The following GRM1 variants were observed in gnomAD, a reference collection of about 807,000 sequenced individuals.
GRM1 encodes the protein glutamate metabotropic receptor 1, also known as metabotropic glutamate receptor 1.
GRM1 carries 33 observed loss-of-function variants against 90.9 expected under a neutral mutation model. That is an observed-to-expected ratio of 0.36 (90% confidence interval 0.28 to 0.49). The LOEUF is 0.49. Among genes scored for constraint, GRM1 ranks in the 20% least tolerant of loss-of-function variants. The pLI, the probability that GRM1 is intolerant of heterozygous loss-of-function variation, is 0.99. For missense variants in GRM1, 1,190 were observed against 1,534.3 expected (o/e 0.78, Z 3.75); for synonymous variants, 700 against 613.2 (o/e 1.14, Z -2.09).
intron 3 of GRM1, among the ~76,000 whole-genome samples, chr6:146,314,044 T>C (rs892670941): frequency 1.4e-5 from 2 of 145,862 alleles, no homozygotes; most frequent in Non-Finnish European, 3.0e-5. Flanking sequence ...ATATCAATAG[T>C]TAATTCCTTT....
Position 146,030,066 on chromosome 6 carries a change from C to T in GRM1, c.549C>T (p.Ile183=), listed in dbSNP as rs149386064. 42 of 1,614,074 alleles carry T rather than the reference C, an allele frequency of 2.6e-5. No homozygotes were observed. Among genetic ancestry groups the T allele is most frequent in the Non-Finnish European group, 3.5e-5 (41 of 1,180,034 alleles). ...NLLQLFDIPQ[I]AYSATSIDLS... ...TCCAGCTCTTCGACATCCCCCAGATCGCTTATTCAGCCACAAGCATCGACC... is the reference window on the plus strand; with the variant it reads ...TCCAGCTCTTCGACATCCCCCAGATTGCTTATTCAGCCACAAGCATCGACC... Residue 183 remains isoleucine (I), a synonymous_variant, in exon 1 of 8, where the codon ATC becomes ATT. Transcript: ENST00000282753.
At chr6:146,165,950 GAA>G (rs1777889074) in intron 2 of GRM1, among the ~76,000 whole-genome samples, 1 of 151,990 alleles carries the variant, frequency 6.6e-6, no homozygotes, top group African/African-American at 2.4e-5. Flanking sequence ...TCTGAAACGT[GAA>G]AGATTCCACT....
Position 146,029,489 on chromosome 6 carries a change from G to T in GRM1, c.-29G>T. ...GCGGGACCAGCGTGGGAACGCGGCT[G>T]GCAGGCTGTGGACCTCGTCCTCACC... On this transcript the variant is annotated 5_prime_UTR_variant, in exon 1 of 8. Transcript: ENST00000282753. 6.4e-7 allele frequency: 1 copy of T among 1,563,680 alleles called. No individual in the cohort carries two copies. The highest frequency in any genetic ancestry group is 1.1e-5 in the South Asian group (1 of 90,060).
intron 2 of GRM1, among the ~76,000 whole-genome samples, chr6:146,248,965 A>G (rs575523485): frequency 5.9e-5 from 9 of 152,262 alleles, no homozygotes; most frequent in African/African-American, 1.7e-4. Context: ...AGATCTGTGG[A>G]ACTTTGAACT....
intron 7 of GRM1, among the ~76,000 whole-genome samples, chr6:146,410,338 C>G (rs1777515728): frequency 6.6e-6 from 1 of 152,078 alleles, no homozygotes; most frequent in Non-Finnish European, 1.5e-5. Flanking sequence ...AGTCTGTGAT[C>G]TTTGCTTTGT....
intron 1 of GRM1, among the ~76,000 whole-genome samples, chr6:146,111,114 C>A (rs1775540685): frequency 6.6e-6 from 1 of 152,188 alleles, no homozygotes; most frequent in Non-Finnish European, 1.5e-5. Flanking sequence ...CTAAAGTTCA[C>A]AAGAAGTTCC....
intron 2 of GRM1, among the ~76,000 whole-genome samples, chr6:146,255,151 G>T (rs538555333): frequency 6.6e-6 from 1 of 152,246 alleles, no homozygotes; most frequent in South Asian, 2.1e-4. Context: ...GATTCCTGAG[G>T]CTAAGCACAC....
chr6:146,397,024 A>G (rs1435765338), intron 6 of GRM1, among the ~76,000 whole-genome samples: 1 of 152,220 alleles, frequency 6.6e-6, no homozygotes, highest in Non-Finnish European at 1.5e-5. Context: ...TCATGCTAGT[A>G]CATGGGAAGG....
At chr6:146,115,714 A>G (rs1424518439) in intron 1 of GRM1, among the ~76,000 whole-genome samples, 1 of 152,158 alleles carries the variant, frequency 6.6e-6, no homozygotes, top group Non-Finnish European at 1.5e-5. Context: ...GAGATTTTTC[A>G]TAGTATTTTA....
chr6:146,264,343 A>C (rs1781800290), intron 2 of GRM1, among the ~76,000 whole-genome samples: 1 of 152,128 alleles, frequency 6.6e-6, no homozygotes, highest in Non-Finnish European at 1.5e-5. Context: ...GAACTTTAAC[A>C]ATATTTCTAT....
chr6:146,429,950 G>A (rs979091483), intron 7 of GRM1, among the ~76,000 whole-genome samples: 1 of 152,208 alleles, frequency 6.6e-6, no homozygotes, highest in Admixed American at 6.5e-5. Flanking sequence ...GGACATAAGA[G>A]AGACAGGTGT....
At chr6:146,305,516 T>C (rs1238043368) in intron 3 of GRM1, among the ~76,000 whole-genome samples, 1 of 152,208 alleles carries the variant, frequency 6.6e-6, no homozygotes, top group African/African-American at 2.4e-5. Context: ...ATGAGTATTA[T>C]TATTACTGCA....
chr6:146,173,451 G>GA lies in GRM1; in HGVS notation c.950+13861dup, dbSNP rs1244769879. ...AAGAAAAAGAAAGAAAGAAAGAAAA[G>GA]AAAAAAAGAAACTCTTGATTCTTCC... On this transcript the variant is annotated intron_variant, in intron 2 of 7. Transcript: ENST00000282753. 1.0e-4 allele frequency among the ~76,000 whole-genome samples: 15 copies of GA among 147,608 alleles called. No individual in the cohort carries two copies. In the Middle Eastern group the frequency reaches 0.011, roughly 104 times the overall value.
chr6:146,270,908 TCTTTCTTCCTTCCTTCCTTCCTTC>T (rs1259457609), intron 2 of GRM1, among the ~76,000 whole-genome samples: 12 of 104,388 alleles, frequency 1.1e-4, no homozygotes, highest in African/African-American at 2.0e-4. Flanking sequence ...TTTCTTTCTT[TCTTTCTTCCTTCCTTCCTTCCTTC>T]CTTCCTTCCT....
At chr6:146,124,203 G>C (rs1485215219) in intron 1 of GRM1, among the ~76,000 whole-genome samples, 1 of 152,104 alleles carries the variant, frequency 6.6e-6, no homozygotes, top group East Asian at 1.9e-4. Flanking sequence ...ACAATGTAAT[G>C]CTTTCCAAAA....
At chr6:146,249,220 C>T (rs1781184801) in intron 2 of GRM1, among the ~76,000 whole-genome samples, 2 of 152,160 alleles carry the variant, frequency 1.3e-5, no homozygotes, top group African/African-American at 4.8e-5. Context: ...AGAAATATTC[C>T]TAAGTAATGA....
At chr6:146,092,360 C>T (rs1027056673) in intron 1 of GRM1, among the ~76,000 whole-genome samples, 16 of 152,134 alleles carry the variant, frequency 1.1e-4, no homozygotes, top group African/African-American at 3.9e-4. Flanking sequence ...AGAATACAAA[C>T]ATACAGTCCG....
intron 2 of GRM1, among the ~76,000 whole-genome samples, chr6:146,286,401 T>G (rs1204504830): frequency 6.6e-6 from 1 of 152,190 alleles, no homozygotes. Flanking sequence ...AAAAAACCTA[T>G]CTACTTGCTT....
intron 2 of GRM1, among the ~76,000 whole-genome samples, chr6:146,174,853 A>G (rs1778278040): frequency 6.6e-6 from 1 of 152,204 alleles, no homozygotes; most frequent in Non-Finnish European, 1.5e-5. Context: ...ACTTGCTTCC[A>G]AACTCATTCA....
Sources: gnomAD v4.1 joint callset for allele counts (sites outside exome capture counted in the v4.1 genomes callset) on GRCh38, gnomAD v4.1.1 for gene constraint, MANE v1.5 for transcripts, NCBI Gene and HGNC (gene_info 2026-07-23, HGNC 2026-07-21) for gene names.